SOX30: variants seen among roughly 807,000 people sequenced by gnomAD.
SOX30 encodes SRY-box transcription factor 30, also known as transcription factor SOX-30.
Under a neutral mutation model 58.6 loss-of-function variants are expected in SOX30, and 17 were observed. The observed-to-expected ratio is 0.29, with a 90% CI of 0.20 to 0.44. The LOEUF is 0.44. Ranked by LOEUF, SOX30 falls within the 20% of genes least tolerant of loss-of-function variation. The pLI is 1.00. For missense variants in SOX30, 951 were observed against 965.8 expected, an observed-to-expected ratio of 0.98 and a Z score of 0.20; for synonymous variants, 421 against 400.2, an observed-to-expected ratio of 1.05 and a Z score of -0.62.
At chr5:157,649,650 C>T (rs767937627) in intron 1 of SOX30, among the ~76,000 whole-genome samples, 18 of 152,076 alleles carry the variant, frequency 1.2e-4, no homozygotes, top group East Asian at 1.9e-4. Context: ...ATTAGCCAGG[C>T]GTGGTTGCTC....
rs1427518700 is a variant in SOX30 at position 157,651,979 on chromosome 5, T to C, written c.100A>G (p.Met34Val). ...VEGTSFWAAA[M>V]EPPPSSPTLS... Reference sequence around the variant, plus strand: ...GTGGGAGACGACGGAGGGGGCTCCATGGCTGCTGCCCAAAAGGAGGTGCCC... The same window carrying C: ...GTGGGAGACGACGGAGGGGGCTCCACGGCTGCTGCCCAAAAGGAGGTGCCC... The change falls in exon 1 of 5, where the codon ATG (methionine) becomes GTG (valine). Residue 34 changes from methionine (M) to valine (V), a missense_variant. Around this residue, in one of 7 missense-constraint regions of SOX30, gnomAD observed 363 missense variants for 294.5 expected, o/e 1.23. Coordinates refer to ENST00000265007, the MANE Select transcript of SOX30 (RefSeq NM_178424.2). 5 of 1,451,086 alleles carry C rather than the reference T, an allele frequency of 3.4e-6. No individual in the cohort carries two copies. Among genetic ancestry groups the C allele is most frequent in the East Asian group, 5.1e-5 (2 of 38,866 alleles). The allele number at this position is 1,451,086 out of a possible 1,614,324, so 89.9% of individuals were successfully genotyped here.
chr5:157,650,840 T>C (rs562102727), intron 1 of SOX30, among the ~76,000 whole-genome samples: 1 of 152,356 alleles, frequency 6.6e-6, no homozygotes, highest in African/African-American at 2.4e-5. Context: ...CTAGCAAGAA[T>C]ATTTCTATTT....
Position 157,637,133 on chromosome 5 carries a change from C to CAAAA in SOX30, c.1880+1093_1880+1096dup, listed in dbSNP as rs1203322529. Among the ~76,000 whole-genome samples, 43 of 62,764 alleles carry CAAAA rather than the reference C, an allele frequency of 6.9e-4. 1 individual carries two copies. Among genetic ancestry groups the CAAAA allele is most frequent in the Admixed American group, 1.7e-3 (9 of 5,326 alleles). 41.2% of individuals were successfully genotyped at this position (62,764 alleles called of 152,430 possible). On this transcript the variant is annotated intron_variant, in intron 4 of 4. Coordinates refer to ENST00000265007, the MANE Select transcript of SOX30 (RefSeq NM_178424.2). ...GGGCAACAAGAGCAAAACTCCGCCT[C>CAAAA]AAAAAAAAAAAAAAAAAAAAAAATG...
intron 1 of SOX30, among the ~76,000 whole-genome samples, chr5:157,670,237 A>G (rs1759751906): frequency 6.6e-6 from 1 of 152,206 alleles, no homozygotes; most frequent in Non-Finnish European, 1.5e-5. Context: ...ATGCTAGTTA[A>G]GAAATATTTA....
intron 3 of SOX30, among the ~76,000 whole-genome samples, chr5:157,645,611 G>A (rs1057139948): frequency 6.6e-6 from 1 of 151,420 alleles, no homozygotes; most frequent in South Asian, 2.1e-4. Flanking sequence ...GCAGTGACCT[G>A]TGATGCTGCC....
Position 157,651,173 on chromosome 5 carries a change from C to T in SOX30, c.906G>A (p.Leu302=). 1 of 1,604,272 alleles carries T rather than the reference C, an allele frequency of 6.2e-7. No individual in the cohort carries two copies. Among genetic ancestry groups the T allele is most frequent in the Middle Eastern group, 1.7e-4 (1 of 5,990 alleles). The change falls in exon 1 of 5, where the codon CTG becomes CTA. Residue 302 remains leucine, a synonymous_variant. Transcript: ENST00000265007. ...TGGTTTCAATTTTTACAGAAGGCTC[C>T]AGTAGGGACTGCATTTTAGTAGGCA... ...TPVPTKMQSL[L]EPSVKIETKD...
At chr5:157,648,546 T>A in intron 2 of SOX30, 111 bp downstream of exon 2, 2 of 964,272 alleles carry the variant, frequency 2.1e-6, no homozygotes, top group Non-Finnish European at 3.1e-6. Flanking sequence ...CTCTTTATTG[T>A]ACATATCAGA....
chr5:157,656,185 A>G (rs1759470754), upstream of SOX30, among the ~76,000 whole-genome samples: 1 of 152,230 alleles, frequency 6.6e-6, no homozygotes, highest in Admixed American at 6.5e-5. Context: ...GTGCTTGTAT[A>G]TAACAGAGGT....
chr5:157,644,127 TTC>T (rs35372045), intron 3 of SOX30, among the ~76,000 whole-genome samples: 13,455 of 152,238 alleles, frequency 0.088, 821 homozygotes, highest in Middle Eastern at 0.15. Flanking sequence ...TAAGATAATG[TTC>T]TCTGTTTATC....
At chr5:157,654,113 C>T (rs902556160), upstream of SOX30, among the ~76,000 whole-genome samples, 4 of 150,190 alleles carry the variant, frequency 2.7e-5, no homozygotes, top group South Asian at 2.1e-4. Flanking sequence ...TTGCAGGAGC[C>T]GAGATCGTGC....
At chr5:157,662,573 C>CT (rs1310840090) in intron 2 of SOX30, among the ~76,000 whole-genome samples, 7 of 152,004 alleles carry the variant, frequency 4.6e-5, no homozygotes, top group Non-Finnish European at 1.0e-4. Context: ...GAGGTTTTTT[C>CT]TTTGATGTGT....
chr5:157,651,508 C>G lies in SOX30; in HGVS notation c.571G>C (p.Val191Leu), dbSNP rs1490549872. ...CCGCCTTGCATCGAGTCTCTCATGA[C>G]CTCCTCCGCCTCCAGCTTGCCCTTC... ...DEKGKLEAEEVMRDSMQGGAG... is the reference protein window; with the variant it reads ...DEKGKLEAEELMRDSMQGGAG... Residue 191 changes from valine (V) to leucine (L), a missense_variant, in exon 1 of 5, where the codon GTC becomes CTC. Around this residue, in one of 7 missense-constraint regions of SOX30, gnomAD observed 363 missense variants for 294.5 expected, o/e 1.23. Coordinates refer to ENST00000265007, the MANE Select transcript of SOX30 (RefSeq NM_178424.2). 6.2e-7 allele frequency: 1 copy of G among 1,613,424 alleles called. No individual in the cohort carries two copies. The highest frequency in any genetic ancestry group is 1.1e-5 in the South Asian group (1 of 91,088).
At chr5:157,626,903 G>C (rs1758670633) in intron 4 of SOX30, among the ~76,000 whole-genome samples, 182 bp from the exon 5 acceptor site, 1 of 152,194 alleles carries the variant, frequency 6.6e-6, no homozygotes, top group African/African-American at 2.4e-5. Flanking sequence ...ACAGGAAAGG[G>C]AGCTTGTGAC....
At chr5:157,666,853 G>A (rs1006984869) in intron 2 of SOX30, among the ~76,000 whole-genome samples, 1 of 152,130 alleles carries the variant, frequency 6.6e-6, no homozygotes, top group Admixed American at 6.5e-5. Context: ...TTACAGGCAT[G>A]CACCACTACA....
chr5:157,651,547 A>C lies in SOX30; in HGVS notation c.532T>G (p.Phe178Val). 6.2e-7 allele frequency: 1 copy of C among 1,613,114 alleles called. No homozygotes were observed. The highest frequency in any genetic ancestry group is 8.5e-7 in the Non-Finnish European group (1 of 1,179,986). Residue 178 changes from phenylalanine (F) to valine (V), a missense_variant, in exon 1 of 5, where the codon TTC (phenylalanine) becomes GTC (valine). Phe to Val is a conservative substitution (Grantham distance 50, BLOSUM62 -1). Transcript: ENST00000265007. Reference protein sequence around the residue: ...LEGPGPALGYFRGDEKGKLEA... With the variant: ...LEGPGPALGYVRGDEKGKLEA... Reference sequence around the variant, plus strand: ...AGCTTGCCCTTCTCGTCCCCTCGGAAGTAGCCGAGGGCCGGCCCGGGGCCT... The same window carrying C: ...AGCTTGCCCTTCTCGTCCCCTCGGACGTAGCCGAGGGCCGGCCCGGGGCCT...
rs750523194 is a variant in SOX30, at chr5:157,626,408, TAGA to T, written c.2191_2193del (p.Ser732del). ...TCGGTGACATTGACTTGCTGGATGC[TAGA>T]AGGAGTTGATGTCGGGGCTGTGAAG... On this transcript the variant is annotated inframe_deletion, in exon 5 of 5. Transcript: ENST00000265007. 2 of 1,614,186 alleles carry T rather than the reference TAGA, an allele frequency of 1.2e-6. No individual in the cohort carries two copies. The highest frequency in any genetic ancestry group is 1.1e-5 in the South Asian group (1 of 91,082).
chr5:157,648,239 T>C (rs978156140), intron 2 of SOX30, among the ~76,000 whole-genome samples: 1 of 152,222 alleles, frequency 6.6e-6, no homozygotes, highest in African/African-American at 2.4e-5. Flanking sequence ...GACAATCATA[T>C]GTTAAAATGG....
chr5:157,661,304 CCT>C (rs1348098419), intron 2 of SOX30, among the ~76,000 whole-genome samples: 1 of 152,148 alleles, frequency 6.6e-6, no homozygotes, highest in Non-Finnish European at 1.5e-5. Flanking sequence ...AAGAAAGTTT[CCT>C]TCTATTCCTA....
At chr5:157,637,288 T>C (rs1758954474) in intron 4 of SOX30, among the ~76,000 whole-genome samples, 1 of 152,190 alleles carries the variant, frequency 6.6e-6, no homozygotes, top group South Asian at 2.1e-4. Context: ...TTATTGGTAA[T>C]TTATGTGGGA....
Sources: allele counts gnomAD v4.1 joint callset (sites outside exome capture counted in the v4.1 genomes callset), GRCh38; gene constraint gnomAD v4.1.1; regional missense constraint gnomAD v4.1.1; transcripts MANE v1.5; gene names NCBI Gene and HGNC (gene_info 2026-07-23, HGNC 2026-07-21).